Variants in TUSC3 observed in about 807,000 individuals in gnomAD.
The protein encoded by TUSC3 is tumor suppressor candidate 3.
TUSC3 carries 45 observed loss-of-function variants against 44.8 expected under a neutral mutation model. The ratio of observed to expected loss-of-function variants is 1.00; its 90% CI spans 0.79 to 1.29. The LOEUF (loss-of-function observed/expected upper bound fraction) is 1.29. Among genes scored for constraint, TUSC3 ranks in the 50% most tolerant of loss-of-function variants. The probability of loss-of-function intolerance (pLI) is 0.00; values close to 1 mark genes in which losing one functional copy is unlikely to be tolerated. For synonymous variants in TUSC3, 212 were observed against 152.9 expected (o/e 1.39, Z -2.85); for missense variants, 519 against 437.9 (o/e 1.19, Z -1.65).
chr8:15,750,739 C>T (rs1282563600), intron 9 of TUSC3, among the ~76,000 whole-genome samples: 1 of 152,078 alleles, frequency 6.6e-6, no homozygotes. Context: ...GTGAATGTGG[C>T]ATTTGAACAG....
chr8:15,582,808 C>G (rs1429084), intron 1 of TUSC3, among the ~76,000 whole-genome samples: 131,214 of 152,212 alleles, frequency 0.86, 56,736 homozygotes, highest in Non-Finnish European at 0.88. Context: ...TCACTCACCA[C>G]CTCCCCAGAA....
chr8:15,568,980 T>C (rs1802771773), intron 1 of TUSC3, among the ~76,000 whole-genome samples: 1 of 152,112 alleles, frequency 6.6e-6, no homozygotes, highest in African/African-American at 2.4e-5. Flanking sequence ...GAAATAACTA[T>C]TTTGTTTAGT....
At chr8:15,595,490 G>A (rs117247411) in intron 1 of TUSC3, among the ~76,000 whole-genome samples, 1,911 of 152,238 alleles carry the variant, frequency 0.013, 84 homozygotes, top group Admixed American at 0.088. Flanking sequence ...GGCTCACTTT[G>A]TTCCCTGTCT....
chr8:15,431,503 C>T (rs1169089031), intron 1 of TUSC3, among the ~76,000 whole-genome samples: 1 of 151,550 alleles, frequency 6.6e-6, no homozygotes, highest in African/African-American at 2.4e-5. Flanking sequence ...AGAAACACAT[C>T]TGATTTTCAT....
At chr8:15,760,758 A>G (rs1287857225) in intron 10 of TUSC3, among the ~76,000 whole-genome samples, 1 of 152,206 alleles carries the variant, frequency 6.6e-6, no homozygotes, top group African/African-American at 2.4e-5. Context: ...AAAGTTTAAA[A>G]TACTTAACCT....
chr8:15,768,244 A>G (rs989242257), downstream of TUSC3, among the ~76,000 whole-genome samples: 1 of 152,176 alleles, frequency 6.6e-6, no homozygotes, highest in Admixed American at 6.5e-5. Flanking sequence ...AAATACACAG[A>G]CAACATGTGA....
chr8:15,562,474 A>G (rs901322842), intron 1 of TUSC3, among the ~76,000 whole-genome samples: 9 of 152,118 alleles, frequency 5.9e-5, no homozygotes, highest in Non-Finnish European at 1.2e-4. Context: ...AATTGCCACA[A>G]TTTAGTGGCT....
chr8:15,570,963 T>TTTTTTTTTTTTTTTTTTTTTTTTTTTTG, intron 1 of TUSC3, among the ~76,000 whole-genome samples: 1 of 118,262 alleles, frequency 8.5e-6, no homozygotes, highest in Non-Finnish European at 1.9e-5. Context: ...AGTTTTTTTT[T>TTTTTTTTTTTTTTTTTTTTTTTTTTTTG]TTTTTTTTTT....
the TUSC3 span, among the ~76,000 whole-genome samples, chr8:15,793,197 T>A: frequency 6.6e-6 from 1 of 152,028 alleles, no homozygotes; most frequent in Non-Finnish European, 1.5e-5. Flanking sequence ...CATAGTTCTT[T>A]CTCTCCTCAG....
intron 2 of TUSC3, among the ~76,000 whole-genome samples, chr8:15,490,668 T>A (rs531608395): frequency 1.3e-5 from 2 of 152,304 alleles, no homozygotes; most frequent in East Asian, 3.9e-4. Context: ...AGATGCTGAT[T>A]TATGTGTGAC....
At chr8:15,803,760 G>A in the TUSC3 span, among the ~76,000 whole-genome samples, 56 of 151,986 alleles carry the variant, frequency 3.7e-4, no homozygotes, top group African/African-American at 1.3e-3. Context: ...CCCTGTGTCT[G>A]TGTTGTTCAA....
chr8:15,822,532 AG>A, the TUSC3 span, among the ~76,000 whole-genome samples: 214 of 152,154 alleles, frequency 1.4e-3, 1 homozygote, highest in Non-Finnish European at 2.9e-4. Flanking sequence ...GCAAGTTTCC[AG>A]GTCTTGCTGA....
intron 2 of TUSC3, among the ~76,000 whole-genome samples, chr8:15,512,281 G>A (rs66504604): frequency 0.068 from 10,356 of 152,172 alleles, 509 homozygotes; most frequent in South Asian, 0.2. Context: ...TCACCATAAC[G>A]AGGGTGGGCC....
chr8:15,849,025 T>A, the TUSC3 span, among the ~76,000 whole-genome samples: 1 of 152,182 alleles, frequency 6.6e-6, no homozygotes, highest in East Asian at 1.9e-4. Context: ...CAGAATACTT[T>A]TAATAAAGTA....
chr8:15,793,564 C>G, the TUSC3 span, among the ~76,000 whole-genome samples: 1 of 152,168 alleles, frequency 6.6e-6, no homozygotes, highest in Non-Finnish European at 1.5e-5. Flanking sequence ...GCCATTCACT[C>G]TCTCTCTTGC....
At chr8:15,650,321 G>A (rs1334376062) in intron 2 of TUSC3, among the ~76,000 whole-genome samples, 1 of 152,104 alleles carries the variant, frequency 6.6e-6, no homozygotes, top group Non-Finnish European at 1.5e-5. Context: ...TATGTGTATA[G>A]GGAATGCTGC....
intron 1 of TUSC3, among the ~76,000 whole-genome samples, chr8:15,606,579 G>T (rs1447644830): frequency 3.3e-5 from 5 of 151,962 alleles, no homozygotes; most frequent in African/African-American, 9.7e-5. Flanking sequence ...AGGTAAGTCT[G>T]TTTCATCTTG....
At chr8:15,796,581 G>A in the TUSC3 span, among the ~76,000 whole-genome samples, 1 of 152,316 alleles carries the variant, frequency 6.6e-6, no homozygotes, top group South Asian at 2.1e-4. Context: ...TGCTGATATT[G>A]TTGTAATTCA....
At chr8:15,555,537 C>A (rs992206173) in intron 1 of TUSC3, among the ~76,000 whole-genome samples, 1 of 151,074 alleles carries the variant, frequency 6.6e-6, no homozygotes, top group Non-Finnish European at 1.5e-5. Flanking sequence ...TCAAGTGATC[C>A]CCCTGCCTTG....
Sources: gnomAD v4.1 joint callset for allele counts (sites outside exome capture counted in the v4.1 genomes callset) on GRCh38, gnomAD v4.1.1 for gene constraint, MANE v1.5 for transcripts, NCBI Gene and HGNC (gene_info 2026-07-23, HGNC 2026-07-21) for gene names.